The following ONECUT3 variants were observed in gnomAD, a reference collection of about 807,000 sequenced individuals.
ONECUT3 encodes one cut domain family member 3.
ONECUT3 carries 11 observed loss-of-function variants against 16.8 expected under a neutral mutation model. That is an observed-to-expected ratio of 0.66 (90% confidence interval 0.41 to 1.09). The LOEUF (loss-of-function observed/expected upper bound fraction) is 1.09, where lower values mean the gene tolerates loss of function less well. Among genes scored for constraint, ONECUT3 ranks in the 50% least tolerant of loss-of-function variants. The pLI is 0.00. For synonymous variants in ONECUT3, 344 were observed against 310.7 expected (o/e 1.11, Z -1.13); for missense variants, 637 against 629.9 (o/e 1.01, Z -0.12).
chr19:1,780,531 G>C lies in ONECUT3; in HGVS notation c.*5086G>C, dbSNP rs2068148490. On this transcript the variant is annotated 3_prime_UTR_variant, in exon 2 of 2. Coordinates refer to ENST00000382349, the MANE Select transcript of ONECUT3 (RefSeq NM_001080488.2). ...CTTTTGGGACAGGCCCCAGTAGGGGGGGGCGGGGTAGCTAAACGGGGTGCT... is the reference window on the plus strand; with the variant it reads ...CTTTTGGGACAGGCCCCAGTAGGGGCGGGCGGGGTAGCTAAACGGGGTGCT... 6.6e-6 allele frequency: 1 copy of C among 152,298 alleles called. No individual in the cohort carries two copies. The highest frequency in any genetic ancestry group is 6.5e-5 in the Admixed American group (1 of 15,290). 9.4% of individuals were successfully genotyped at this position (152,298 alleles called of 1,614,324 possible). A position where few individuals can be genotyped will look rare whatever the true frequency, so the allele number is the denominator to read the frequency against.
In ONECUT3 at chr19:1,779,414, C is replaced by G. The variant is rs10411664; in HGVS notation, c.*3969C>G. The G allele has an allele frequency of 6.6e-6, 1 of 151,524 alleles. No individual in the cohort carries two copies. The highest frequency in any genetic ancestry group is 6.6e-5 in the Admixed American group (1 of 15,184). 9.4% of individuals were successfully genotyped at this position (151,524 alleles called of 1,614,324 possible). A position where few individuals can be genotyped will look rare whatever the true frequency, so the allele number is the denominator to read the frequency against. ...GAAAGGAAGAGAGAGAGAGAGCGAG[C>G]GCAAGAGAGAGAGAGAGGGAGAGAG... On this transcript the variant is annotated 3_prime_UTR_variant, in exon 2 of 2. Transcript: ENST00000382349.
chr19:1,754,601 C>A lies in ONECUT3; in HGVS notation c.939C>A (p.Ser313Arg). The change falls in exon 1 of 2, where the codon AGC (serine) becomes AGA (arginine). Residue 313 changes from serine (S) to arginine (R), a missense_variant. Coordinates refer to ENST00000382349, the MANE Select transcript of ONECUT3 (RefSeq NM_001080488.2). The surrounding 1 kb of genome is among the most constrained non-coding windows in gnomAD (Gnocchi z 7.4). Reference sequence around the variant, plus strand: ...CCGGCGGGAGCGGCGGCGGCCCCAGCGCGGGCGCAGCGGCCGAGGAGATCA... The same window carrying A: ...CCGGCGGGAGCGGCGGCGGCCCCAGAGCGGGCGCAGCGGCCGAGGAGATCA... ...GGPGGSGGGP[S>R]AGAAAEEINT... The A allele has an allele frequency of 7.4e-7, 1 of 1,353,612 alleles. No individual in the cohort carries two copies. 83.9% of individuals were successfully genotyped at this position (1,353,612 alleles called of 1,614,324 possible).
chr19:1,760,194 G>A (rs529197810), intron 1 of ONECUT3, among the ~76,000 whole-genome samples: 4 of 152,210 alleles, frequency 2.6e-5, no homozygotes, highest in African/African-American at 4.8e-5. Flanking sequence ...CCAGAGCCCC[G>A]CACTGCTTCT....
intron 1 of ONECUT3, among the ~76,000 whole-genome samples, chr19:1,756,456 G>C (rs957804815): frequency 7.9e-5 from 12 of 152,170 alleles, no homozygotes; most frequent in African/African-American, 2.7e-4. Flanking sequence ...ATAGACCGGC[G>C]GTCATATCCG....
rs1193291972 is a variant in ONECUT3 at position 1,759,924 on chromosome 19, G to T, written c.1192+5070G>T. Among the ~76,000 whole-genome samples the T allele has an allele frequency of 6.6e-6, 1 of 152,084 alleles. No individual in the cohort carries two copies. Among genetic ancestry groups the T allele is most frequent in the Non-Finnish European group, 1.5e-5 (1 of 67,988 alleles). On this transcript the variant is annotated intron_variant, in intron 1 of 1. Coordinates refer to ENST00000382349, the MANE Select transcript of ONECUT3 (RefSeq NM_001080488.2). This position sits in a 1 kb window ranked among gnomAD's most constrained non-coding sequence, Gnocchi z 4.1. ...TGCGCGCGAGACTCAGGTGACTCTG[G>T]TGCCCCCACACCAGCACCCTCCCAC... is the stretch of plus-strand genomic sequence containing the variant.
chr19:1,764,915 C>T lies in ONECUT3; in HGVS notation c.1192+10061C>T, dbSNP rs949578301. 3.9e-5 allele frequency among the ~76,000 whole-genome samples: 6 copies of T among 152,070 alleles called. No individual in the cohort carries two copies. The highest frequency in any genetic ancestry group is 1.2e-4 in the African/African-American group (5 of 41,390). The stretch of plus-strand genomic sequence containing the variant: ...GGACAGGACGCGTCGCCAAGGAAAC[C>T]GGTCATCATCCCAGCCGGAGACCGG... On this transcript the variant is annotated intron_variant, in intron 1 of 1. Transcript: ENST00000382349. This position sits in a 1 kb window ranked among gnomAD's most constrained non-coding sequence, Gnocchi z 5.0.
rs200223136 is a variant in ONECUT3 at position 1,758,925 on chromosome 19, G to GA, written c.1192+4079dup. On this transcript the variant is annotated intron_variant, in intron 1 of 1. Transcript: ENST00000382349. This position sits in a 1 kb window ranked among gnomAD's most constrained non-coding sequence, Gnocchi z 5.9. The stretch of plus-strand genomic sequence containing the variant: ...GAAAAGTATTTTTTGTAACTGATCA[G>GA]AAAAAAAATACGTATATAGATAATA... Among the ~76,000 whole-genome samples, 522 of 152,082 alleles carry GA rather than the reference G, an allele frequency of 3.4e-3. 1 individual carries two copies. The highest frequency in any genetic ancestry group is 0.012 in the African/African-American group (486 of 41,474).
rs1385615695 is a variant in ONECUT3 at position 1,758,236 on chromosome 19, A to G, written c.1192+3382A>G. Among the ~76,000 whole-genome samples the G allele has an allele frequency of 6.6e-6, 1 of 150,896 alleles. No individual in the cohort carries two copies. Among genetic ancestry groups the G allele is most frequent in the Admixed American group, 6.6e-5 (1 of 15,154 alleles). ...GGGAGCGGGAGAAACAGACGGGGAG[A>G]AGAGAAAAAGAAGCCCAGAAAGGAA... On this transcript the variant is annotated intron_variant, in intron 1 of 1. Transcript: ENST00000382349. This position sits in a 1 kb window ranked among gnomAD's most constrained non-coding sequence, Gnocchi z 5.9.
In ONECUT3 at chr19:1,757,818, C is replaced by G. The variant is rs544353954; in HGVS notation, c.1192+2964C>G. ...GAGACGGCCGGATGCGTCCCCATCT[C>G]CACCTAACACGGCGACGCCCCAACG... is the stretch of plus-strand genomic sequence containing the variant. On this transcript the variant is annotated intron_variant, in intron 1 of 1. Transcript: ENST00000382349. Among the ~76,000 whole-genome samples, 6 of 152,210 alleles carry G rather than the reference C, an allele frequency of 3.9e-5. No homozygotes were observed. In the South Asian group the frequency reaches 1.2e-3, roughly 32 times the overall value.
At chr19:1,773,939 T>G (rs2068080942) in intron 1 of ONECUT3, among the ~76,000 whole-genome samples, 1 of 152,126 alleles carries the variant, frequency 6.6e-6, no homozygotes, top group African/African-American at 2.4e-5. Flanking sequence ...GAGCCTTTGC[T>G]TTTCTCCCCT....
At position 1,753,668 on chromosome 19, in the gene ONECUT3, G is replaced by A. The variant is rs1231581739; in HGVS notation, c.6G>A (p.Glu2=). M[E]LSLESLGGLH... ...CGGCGGGAGGGCAGCCGAGCATGGA[G>A]CTGAGCCTGGAGAGCCTGGGGGGCC... Residue 2 remains glutamate (E), a synonymous_variant, in exon 1 of 2, where the codon GAG becomes GAA. Coordinates refer to ENST00000382349, the MANE Select transcript of ONECUT3 (RefSeq NM_001080488.2). 7 of 1,052,180 alleles carry A rather than the reference G, an allele frequency of 6.7e-6. No homozygotes were observed. The highest frequency in any genetic ancestry group is 5.1e-5 in the African/African-American group (3 of 58,270). 65.2% of individuals were successfully genotyped at this position (1,052,180 alleles called of 1,614,324 possible). A position where few individuals can be genotyped will look rare whatever the true frequency, so the allele number is the denominator to read the frequency against.
intron 1 of ONECUT3, among the ~76,000 whole-genome samples, 152 bp from the exon 2 acceptor site, chr19:1,775,001 C>T (rs571045415): frequency 3.9e-5 from 6 of 152,252 alleles, no homozygotes; most frequent in African/African-American, 7.2e-5. Context: ...TCTGGGCTCT[C>T]CCTGGGACCT....
chr19:1,768,802 G>A (rs55966715), intron 1 of ONECUT3, among the ~76,000 whole-genome samples: 1 of 152,216 alleles, frequency 6.6e-6, no homozygotes, highest in African/African-American at 2.4e-5. Flanking sequence ...AGGAGGTGTG[G>A]GGAGGTGGAA....
rs2145954600 is a variant in ONECUT3 at position 1,754,236 on chromosome 19, C to A, written c.574C>A (p.Leu192Met). ...GHLYGPYGKE[L>M]PAMGSPLSPL... is the part of the protein sequence containing the mutation. ...CCTCTACGGACCCTACGGCAAGGAG[C>A]TGCCCGCCATGGGGTCGCCGCTGTC... is the stretch of plus-strand genomic sequence containing the variant. Residue 192 changes from leucine (L) to methionine (M), a missense_variant, in exon 1 of 2, where the codon CTG becomes ATG. Leu to Met is a conservative substitution (Grantham distance 15). This residue lies in a region of ONECUT3 where 419 missense variants were observed against 377.9 expected (regional missense o/e 1.11). Coordinates refer to ENST00000382349, the MANE Select transcript of ONECUT3 (RefSeq NM_001080488.2). The surrounding 1 kb of genome is among the most constrained non-coding windows in gnomAD (Gnocchi z 7.4). The A allele has an allele frequency of 1.8e-6, 2 of 1,090,232 alleles. No individual in the cohort carries two copies. The highest frequency in any genetic ancestry group is 2.2e-6 in the Non-Finnish European group (2 of 897,634). The allele number at this position is 1,090,232 out of a possible 1,614,324, so 67.5% of individuals were successfully genotyped here.
chr19:1,768,892 G>A (rs1244941722), intron 1 of ONECUT3, among the ~76,000 whole-genome samples: 14 of 148,246 alleles, frequency 9.4e-5, no homozygotes, highest in South Asian at 8.9e-4. Context: ...TGGAGGTGGT[G>A]GAGGTGGAGG....
At chr19:1,767,933 C>T (rs1197459518) in intron 1 of ONECUT3, among the ~76,000 whole-genome samples, 1 of 152,162 alleles carries the variant, frequency 6.6e-6, no homozygotes, top group Non-Finnish European at 1.5e-5. Context: ...GGAACCAGCC[C>T]CAGATCCTCC....
intron 1 of ONECUT3, among the ~76,000 whole-genome samples, chr19:1,757,370 C>T (rs996691799): frequency 6.6e-5 from 10 of 152,244 alleles, no homozygotes; most frequent in Non-Finnish European, 1.5e-4. Flanking sequence ...ACAGTCTCAG[C>T]TCTGGGAGTC....
rs1357992217 is a variant in ONECUT3, at chr19:1,754,818, C to T, written c.1156C>T (p.Pro386Ser). ...CAGGATGTGGAAGTGGCTGCAGGAG[C>T]CAGAGTTCCAGCGCATGTCGGCGCT... ...FRRMWKWLQE[P>S]EFQRMSALRL... Residue 386 changes from proline (P) to serine (S), a missense_variant, in exon 1 of 2, where the codon CCA becomes TCA. Transcript: ENST00000382349. This position sits in a 1 kb window ranked among gnomAD's most constrained non-coding sequence, Gnocchi z 7.4. The T allele has an allele frequency of 1.9e-6, 3 of 1,542,704 alleles. No homozygotes were observed. Among genetic ancestry groups the T allele is most frequent in the Non-Finnish European group, 2.6e-6 (3 of 1,144,386 alleles).
Position 1,759,992 on chromosome 19 carries a change from T to C in ONECUT3, c.1192+5138T>C, listed in dbSNP as rs2067938308. ...GGAGGAGCAGCCCTAGCTAGGGACC[T>C]GGGCCAGGATCAGGGATCAGGCTCC... is the stretch of plus-strand genomic sequence containing the variant. On this transcript the variant is annotated intron_variant, in intron 1 of 1. Transcript: ENST00000382349. The surrounding 1 kb of genome is among the most constrained non-coding windows in gnomAD (Gnocchi z 4.1). 6.6e-6 allele frequency among the ~76,000 whole-genome samples: 1 copy of C among 152,142 alleles called. No homozygotes were observed. Among genetic ancestry groups the C allele is most frequent in the Non-Finnish European group, 1.5e-5 (1 of 68,032 alleles).
Sources: allele counts gnomAD v4.1 joint callset (sites outside exome capture counted in the v4.1 genomes callset), GRCh38; gene constraint gnomAD v4.1.1; regional missense constraint gnomAD v4.1.1; non-coding constraint Gnocchi (gnomAD v3.1); transcripts MANE v1.5; gene names NCBI Gene and HGNC (gene_info 2026-07-23, HGNC 2026-07-21).